Variants in TAFA2 observed in about 807,000 individuals in gnomAD.
TAFA2 encodes TAFA chemokine like family member 2, also known as chemokine-like protein TAFA-2.
A neutral mutation model predicts 18.8 loss-of-function variants in TAFA2; 7 were observed. The ratio of observed to expected loss-of-function variants is 0.37; its 90% confidence interval spans 0.21 to 0.70. The LOEUF is 0.70. Ranked by LOEUF, TAFA2 falls within the 30% of genes least tolerant of loss-of-function variation. The pLI, the probability that TAFA2 is intolerant of heterozygous loss-of-function variation, is 0.53. For missense variants in TAFA2, 122 were observed against 158.1 expected, an observed-to-expected ratio of 0.77 and a Z score of 1.23; for synonymous variants, 60 against 54.2, an observed-to-expected ratio of 1.11 and a Z score of -0.47.
intron 2 of TAFA2, among the ~76,000 whole-genome samples, chr12:61,866,408 CA>C (rs1410444658): frequency 8.6e-5 from 13 of 152,014 alleles, no homozygotes; most frequent in Admixed American, 5.9e-4. Context: ...CCCCTTCTCC[CA>C]AAAATAGAAT....
intron 1 of TAFA2, among the ~76,000 whole-genome samples, chr12:62,037,861 C>G (rs181564146): frequency 6.6e-6 from 1 of 152,276 alleles, no homozygotes; most frequent in Admixed American, 6.5e-5. Context: ...ATCAAAATCT[C>G]TTTGGAGGAA....
intron 1 of TAFA2, among the ~76,000 whole-genome samples, chr12:62,164,854 G>A (rs954265204): frequency 6.6e-6 from 1 of 152,064 alleles, no homozygotes; most frequent in Non-Finnish European, 1.5e-5. Flanking sequence ...CTGGCACAGA[G>A]GGCTAAACAA....
chr12:62,069,014 A>G (rs1482315003), intron 1 of TAFA2, among the ~76,000 whole-genome samples: 1 of 152,166 alleles, frequency 6.6e-6, no homozygotes, highest in Non-Finnish European at 1.5e-5. Context: ...CATAAAGCAT[A>G]TCCTCTCTAG....
chr12:62,235,503 G>T, intron 1 of TAFA2: 1 of 561,834 alleles, frequency 1.8e-6, no homozygotes, highest in Non-Finnish European at 3.3e-6. Flanking sequence ...TCAGCCTGTG[G>T]TCGGCTGTAC....
intron 1 of TAFA2, among the ~76,000 whole-genome samples, chr12:62,057,493 G>A (rs1882218406): frequency 2.0e-5 from 3 of 151,834 alleles, no homozygotes; most frequent in Non-Finnish European, 4.4e-5. Context: ...ATTATGTTGT[G>A]CTTGCTATTT....
In TAFA2 at chr12:61,931,591, G is replaced by A. The variant is rs1877557010; in HGVS notation, c.-1-64165C>T. Among the ~76,000 whole-genome samples the A allele has an allele frequency of 3.3e-5, 5 of 152,258 alleles. No individual in the cohort carries two copies. The South Asian group carries it at 8.3e-4, about 25-fold the overall frequency. Reference sequence around the variant, plus strand: ...AACTCTATATAATACAAAAAATCCTGTATCTGTTCTGCTTCTCCCAGTAGT... The same window carrying A: ...AACTCTATATAATACAAAAAATCCTATATCTGTTCTGCTTCTCCCAGTAGT... On this transcript the variant is annotated intron_variant, in intron 1 of 4. Transcript: ENST00000416284.
intron 1 of TAFA2, among the ~76,000 whole-genome samples, chr12:61,947,272 A>C (rs1328313191): frequency 7.0e-6 from 1 of 142,400 alleles, no homozygotes; most frequent in Non-Finnish European, 1.5e-5. Context: ...TCACATGGAC[A>C]CAGGAAGGGG....
intron 1 of TAFA2, among the ~76,000 whole-genome samples, chr12:62,080,586 T>C (rs1194379502): frequency 6.6e-6 from 1 of 152,196 alleles, no homozygotes; most frequent in Non-Finnish European, 1.5e-5. Context: ...ATGGCTTCTC[T>C]GATTTGACAC....
At chr12:61,959,827 A>G (rs1436598762) in intron 1 of TAFA2, among the ~76,000 whole-genome samples, 1 of 152,050 alleles carries the variant, frequency 6.6e-6, no homozygotes, top group Non-Finnish European at 1.5e-5. Context: ...ATGATTGCAT[A>G]TATTAGCAGT....
chr12:62,058,228 T>C (rs991836996), intron 1 of TAFA2, among the ~76,000 whole-genome samples: 5 of 152,120 alleles, frequency 3.3e-5, no homozygotes, highest in African/African-American at 9.7e-5. Flanking sequence ...CTCACTCCCA[T>C]GATGATGGGC....
intron 2 of TAFA2, among the ~76,000 whole-genome samples, chr12:61,863,585 A>C (rs1231594478): frequency 6.6e-6 from 1 of 152,184 alleles, no homozygotes; most frequent in African/African-American, 2.4e-5. Flanking sequence ...GTCTTCTTGG[A>C]AATTCTGACC....
At chr12:61,974,578 A>G (rs1169149061) in intron 1 of TAFA2, among the ~76,000 whole-genome samples, 1 of 151,852 alleles carries the variant, frequency 6.6e-6, no homozygotes, top group East Asian at 1.9e-4. Context: ...AAGTATAATT[A>G]GATGTGCTGT....
Position 62,202,730 on chromosome 12 carries a change from C to A in TAFA2, c.-130+56033G>T, listed in dbSNP as rs968104333. Reference sequence around the variant, plus strand: ...TTTGTCTCTTTGTTCTGATTGGTTTCTAAGAACTTCTTGATTTCTGCCTTA... The same window carrying A: ...TTTGTCTCTTTGTTCTGATTGGTTTATAAGAACTTCTTGATTTCTGCCTTA... On this transcript the variant is annotated intron_variant, in intron 1 of 5. Transcript: ENST00000551619. 2.0e-5 allele frequency among the ~76,000 whole-genome samples: 3 copies of A among 149,672 alleles called. No individual in the cohort carries two copies. In the Admixed American group the frequency reaches 2.0e-4, roughly 10 times the overall value.
At chr12:61,774,420 C>T (rs1165097757) in intron 2 of TAFA2, among the ~76,000 whole-genome samples, 1 of 151,794 alleles carries the variant, frequency 6.6e-6, no homozygotes, top group African/African-American at 2.4e-5. Flanking sequence ...AATATGGAAA[C>T]AGCCCAAATG....
intron 2 of TAFA2, among the ~76,000 whole-genome samples, chr12:61,791,402 A>C (rs1411235570): frequency 6.6e-6 from 1 of 151,778 alleles, no homozygotes; most frequent in Non-Finnish European, 1.5e-5. Context: ...AAGCTTCAGC[A>C]TAGCAATGGA....
At chr12:62,233,064 CTCT>C (rs2062819358) in intron 1 of TAFA2, among the ~76,000 whole-genome samples, 6 of 78,384 alleles carry the variant, frequency 7.7e-5, no homozygotes, top group African/African-American at 3.3e-4. Flanking sequence ...ATTTCTGCAT[CTCT>C]TTTTTTTTTT....
chr12:61,983,154 A>G (rs1017751681), intron 1 of TAFA2, among the ~76,000 whole-genome samples: 5 of 152,200 alleles, frequency 3.3e-5, no homozygotes, highest in Non-Finnish European at 5.9e-5. Context: ...GTGCTGGAAT[A>G]TGACATATTT....
At chr12:61,743,345 G>A (rs749396315) in intron 4 of TAFA2, among the ~76,000 whole-genome samples, 1 of 152,010 alleles carries the variant, frequency 6.6e-6, no homozygotes, top group Non-Finnish European at 1.5e-5. Context: ...ATCTAGAGTT[G>A]ACACTGAGAA....
At chr12:62,012,486 G>A (rs1880804673) in intron 1 of TAFA2, among the ~76,000 whole-genome samples, 1 of 150,938 alleles carries the variant, frequency 6.6e-6, no homozygotes, top group Admixed American at 6.6e-5. Flanking sequence ...AGGTGCATAT[G>A]GTCAAGATGA....
Sources: gnomAD v4.1 joint callset for allele counts (sites outside exome capture counted in the v4.1 genomes callset) on GRCh38, gnomAD v4.1.1 for gene constraint, MANE v1.5 for transcripts, NCBI Gene and HGNC (gene_info 2026-07-23, HGNC 2026-07-21) for gene names.